Variants in ACP6 observed in about 807,000 individuals in gnomAD.
ACP6 encodes the protein lysophosphatidic acid phosphatase type 6.
In ACP6, 48 loss-of-function variants were observed where a neutral mutation model predicts 48.1. The observed-to-expected ratio is 1.00, with a 90% CI of 0.79 to 1.27. The LOEUF (loss-of-function observed/expected upper bound fraction) is 1.27. ACP6 is among the 50% of genes most tolerant of loss of function. The probability of loss-of-function intolerance (pLI) is 0.00; values close to 1 mark genes in which losing one functional copy is unlikely to be tolerated. For missense variants in ACP6, 485 were observed against 529.1 expected (o/e 0.92, Z 0.82); for synonymous variants, 172 against 204.2 (o/e 0.84, Z 1.34).
In ACP6 at chr1:147,658,811, A is replaced by G. The variant is rs1423512310; in HGVS notation, c.559+149T>C. 8.5e-6 allele frequency: 6 copies of G among 702,972 alleles called. No individual in the cohort carries two copies. In the Admixed American group the frequency reaches 1.0e-4, roughly 12 times the overall value. 43.5% of individuals were successfully genotyped at this position (702,972 alleles called of 1,614,324 possible). On this transcript the variant is annotated intron_variant, in intron 4 of 9. Transcript: ENST00000583509. ...GGGGCACCATAAGGCCAGACAGGGA[A>G]AGACCCACTGGACTAGGTACACACT...
At chr1:147,666,730 G>A (rs1322685368) in intron 1 of ACP6, among the ~76,000 whole-genome samples, 1 of 152,278 alleles carries the variant, frequency 6.6e-6, no homozygotes, top group South Asian at 2.1e-4. Context: ...GGAGACCCTG[G>A]CATGTGTATT....
rs782716315 is a variant in ACP6 at position 147,659,795 on chromosome 1, ACAC to A, written c.220-23_220-21del. ...CTCTACCTGTTAGTACAAAAAAAAC[ACAC>A]CACATTGTTTAAAAATGGTTCTTGA... On this transcript the variant is annotated intron_variant, in intron 1 of 9. Coordinates refer to ENST00000583509, the MANE Select transcript of ACP6 (RefSeq NM_016361.5). 13 of 1,611,614 alleles carry A rather than the reference ACAC, an allele frequency of 8.1e-6. No individual in the cohort carries two copies. The highest frequency in any genetic ancestry group is 1.8e-4 in the Middle Eastern group (1 of 5,564).
intron 1 of ACP6, among the ~76,000 whole-genome samples, chr1:147,662,950 C>T (rs587668838): frequency 1.3e-5 from 2 of 152,220 alleles, no homozygotes; most frequent in African/African-American, 4.8e-5. Flanking sequence ...GATCAGTCAG[C>T]AGCCATCAAC....
exon 6 of ACP6, chr1:147,631,034 T>C (rs1318977047): frequency 3.9e-5 from 6 of 152,220 alleles, no homozygotes; most frequent in African/African-American, 1.2e-4. Context: ...TAGAATTTTC[T>C]TCATTCCTGT....
chr1:147,658,544 G>C (rs1660369118), intron 4 of ACP6, among the ~76,000 whole-genome samples: 1 of 152,198 alleles, frequency 6.6e-6, no homozygotes, highest in South Asian at 2.1e-4. Flanking sequence ...GGAAAGGCTA[G>C]ACGGAACAGT....
chr1:147,669,598 T>C (rs1553214228), intron 1 of ACP6, among the ~76,000 whole-genome samples: 7 of 152,256 alleles, frequency 4.6e-5, no homozygotes, highest in African/African-American at 1.7e-4. Context: ...CAGCGCTTAC[T>C]GATGGCTGCG....
At chr1:147,663,421 T>C (rs1291476996) in intron 1 of ACP6, among the ~76,000 whole-genome samples, 1 of 152,208 alleles carries the variant, frequency 6.6e-6, no homozygotes, top group Non-Finnish European at 1.5e-5. Context: ...ATGCATTGTA[T>C]GTTTCAAAAT....
At chr1:147,633,765 C>T (rs868977739) in intron 5 of ACP6, among the ~76,000 whole-genome samples, 1 of 152,110 alleles carries the variant, frequency 6.6e-6, no homozygotes, top group Non-Finnish European at 1.5e-5. Flanking sequence ...AAAAGCAAAG[C>T]TGGTAATATT....
At chr1:147,629,775 G>T (rs969384909) in exon 6 of ACP6, 4 of 152,158 alleles carry the variant, frequency 2.6e-5, no homozygotes, top group Admixed American at 6.5e-5. Flanking sequence ...ATGTTAAAAG[G>T]AAGGTATGCT....
chr1:147,657,840 C>A (rs1660335176), intron 4 of ACP6, among the ~76,000 whole-genome samples: 1 of 152,344 alleles, frequency 6.6e-6, no homozygotes, highest in South Asian at 2.1e-4. Context: ...ACCCAGACAC[C>A]TGCACCTGAG....
intron 5 of ACP6, among the ~76,000 whole-genome samples, chr1:147,631,618 A>G (rs1247237034): frequency 6.6e-6 from 1 of 152,156 alleles, no homozygotes; most frequent in Non-Finnish European, 1.5e-5. Flanking sequence ...GATCGAGACC[A>G]TCCTGGCCAA....
At chr1:147,659,564 C>A in intron 2 of ACP6, 38 bp from the exon 3 acceptor site, 1 of 1,613,770 alleles carries the variant, frequency 6.2e-7, no homozygotes, top group Non-Finnish European at 8.5e-7. Flanking sequence ...AATGAAAACA[C>A]CTGACAGCCT....
intron 8 of ACP6, among the ~76,000 whole-genome samples, chr1:147,649,024 CAAGGCAG>C (rs1659772920): frequency 6.6e-6 from 1 of 152,066 alleles, no homozygotes; most frequent in East Asian, 1.9e-4. Flanking sequence ...TCTAAAGATC[CAAGGCAG>C]AAGGTGGCAA....
downstream of ACP6, among the ~76,000 whole-genome samples, chr1:147,640,525 T>G (rs1338768977): frequency 6.6e-6 from 1 of 152,240 alleles, no homozygotes; most frequent in African/African-American, 2.4e-5. Flanking sequence ...ATACCTAATC[T>G]ATGTCATTCC....
chr1:147,649,521 T>C (rs1482891416), intron 8 of ACP6, among the ~76,000 whole-genome samples: 1 of 151,858 alleles, frequency 6.6e-6, no homozygotes, highest in Non-Finnish European at 1.5e-5. Context: ...CTTGGCTAAC[T>C]GCAACCTCCG....
chr1:147,642,060 TGA>T (rs1659469029), downstream of ACP6, among the ~76,000 whole-genome samples: 1 of 152,190 alleles, frequency 6.6e-6, no homozygotes, highest in Admixed American at 6.5e-5. Flanking sequence ...CATTTTTACA[TGA>T]GAGGAAAAAC....
chr1:147,634,789 G>A (rs1220224828), intron 5 of ACP6, among the ~76,000 whole-genome samples: 2 of 152,164 alleles, frequency 1.3e-5, no homozygotes, highest in Non-Finnish European at 2.9e-5. Context: ...CCCACCCTGA[G>A]CTCATCAAAC....
chr1:147,656,139 T>C (rs1204779445), intron 4 of ACP6, among the ~76,000 whole-genome samples: 1 of 152,096 alleles, frequency 6.6e-6, no homozygotes, highest in African/African-American at 2.4e-5. Context: ...GCCTATAACT[T>C]TACTAGAATA....
chr1:147,653,623 C>G (rs1416961017), intron 6 of ACP6, among the ~76,000 whole-genome samples: 1 of 152,148 alleles, frequency 6.6e-6, no homozygotes, highest in Admixed American at 6.5e-5. Context: ...TTAGGGTACA[C>G]AGTCATTTTA....
Sources: allele counts gnomAD v4.1 joint callset (sites outside exome capture counted in the v4.1 genomes callset), GRCh38; gene constraint gnomAD v4.1.1; transcripts MANE v1.5; gene names NCBI Gene and HGNC (gene_info 2026-07-23, HGNC 2026-07-21).